PSMA1: variants seen among roughly 807,000 people sequenced by gnomAD.
The protein encoded by PSMA1 is proteasome subunit alpha type-1.
A neutral mutation model predicts 38.4 loss-of-function variants in PSMA1; 3 were observed. That is an observed-to-expected ratio of 0.08 (90% CI 0.04 to 0.20). The LOEUF is 0.20. Among genes scored for constraint, PSMA1 ranks in the 10% least tolerant of loss-of-function variants. PSMA1 has a pLI of 1.00. For missense variants in PSMA1, 227 were observed against 325.3 expected (o/e 0.70, Z 2.32); for synonymous variants, 101 against 107.1 (o/e 0.94, Z 0.35).
At position 14,603,199 on chromosome 11, in the gene PSMA1, A is replaced by G. The variant is rs1819763417; in HGVS notation, c.21+7767T>C. Among the ~76,000 whole-genome samples, 4 of 152,224 alleles carry G rather than the reference A, an allele frequency of 2.6e-5. No individual in the cohort carries two copies. In the South Asian group the frequency reaches 8.3e-4, roughly 31 times the overall value. ...CCCTGGAGGATCCAGAGGCAGCCTGATGGTGAGTAAGGAAGGAGAAGTAAT... is the reference window on the plus strand; with the variant it reads ...CCCTGGAGGATCCAGAGGCAGCCTGGTGGTGAGTAAGGAAGGAGAAGTAAT... On this transcript the variant is annotated intron_variant, in intron 2 of 10. Coordinates refer to the PSMA1 transcript ENST00000418988.
At chr11:14,527,214 G>A (rs1259801239) in intron 2 of PSMA1, among the ~76,000 whole-genome samples, 5 of 152,180 alleles carry the variant, frequency 3.3e-5, no homozygotes, top group African/African-American at 1.2e-4. Flanking sequence ...ATGCTGATAA[G>A]GTAGCTAAAG....
intron 1 of PSMA1, among the ~76,000 whole-genome samples, chr11:14,634,106 G>A (rs1327325082): frequency 2.0e-5 from 3 of 152,102 alleles, no homozygotes; most frequent in South Asian, 2.1e-4. Context: ...CTTCTGCGTC[G>A]CTCACACTGA....
chr11:14,562,492 C>T (rs1852020912), intron 2 of PSMA1, among the ~76,000 whole-genome samples: 1 of 152,182 alleles, frequency 6.6e-6, no homozygotes, highest in African/African-American at 2.4e-5. Flanking sequence ...CAGAACAGCT[C>T]CTTCAATTTC....
chr11:14,592,059 G>C (rs1852422499), intron 2 of PSMA1, among the ~76,000 whole-genome samples: 1 of 151,864 alleles, frequency 6.6e-6, no homozygotes, highest in Non-Finnish European at 1.5e-5. Flanking sequence ...TGCCTTAAGA[G>C]CTGTAACACT....
chr11:14,588,424 G>C (rs1852374351), intron 2 of PSMA1, among the ~76,000 whole-genome samples: 1 of 152,176 alleles, frequency 6.6e-6, no homozygotes, highest in Non-Finnish European at 1.5e-5. Context: ...GTATGGACTT[G>C]ATCCTACAAG....
intron 2 of PSMA1, among the ~76,000 whole-genome samples, chr11:14,558,249 CAAAAA>C (rs35509045): frequency 6.4e-5 from 5 of 78,054 alleles, no homozygotes; most frequent in Non-Finnish European, 9.6e-5. Flanking sequence ...CCCATCTGCA[CAAAAA>C]AAAAAAAAAA....
chr11:14,577,682 T>C lies in PSMA1; in HGVS notation c.21+33284A>G, dbSNP rs572087439. Among the ~76,000 whole-genome samples, 42 of 152,310 alleles carry C rather than the reference T, an allele frequency of 2.8e-4. No homozygotes were observed. The South Asian group carries it at 6.2e-3, about 23-fold the overall frequency. On this transcript the variant is annotated intron_variant, in intron 2 of 10. Coordinates refer to the PSMA1 transcript ENST00000418988. ...GCAAATGTAGGTATTATTACAACTG[T>C]TTTACAGATGAGGAAATTGAGGCAA...
Position 14,598,500 on chromosome 11 carries a change from A to T in PSMA1, c.21+12466T>A, listed in dbSNP as rs146866238. On this transcript the variant is annotated intron_variant, in intron 2 of 10. Transcript: ENST00000418988. The stretch of plus-strand genomic sequence containing the variant: ...GAATTAATCCCTTTACCATTATTTA[A>T]TGGCCTTCTTTGTCTCTTTTGATCT... 1.2e-4 allele frequency among the ~76,000 whole-genome samples: 18 copies of T among 151,666 alleles called. 1 individual carries two copies. The East Asian group carries it at 3.5e-3, about 29-fold the overall frequency.
intron 2 of PSMA1, among the ~76,000 whole-genome samples, chr11:14,528,100 T>C (rs1314164598): frequency 7.2e-6 from 1 of 138,902 alleles, no homozygotes; most frequent in African/African-American, 2.6e-5. Context: ...GACTTACTAC[T>C]AAAAAAAAAA....
At chr11:14,623,827 C>A (rs1254742621) in intron 1 of PSMA1, among the ~76,000 whole-genome samples, 1 of 152,214 alleles carries the variant, frequency 6.6e-6, no homozygotes, top group Non-Finnish European at 1.5e-5. Context: ...GAATGTCCAA[C>A]CTGTCAGCAA....
chr11:14,583,592 G>A (rs1306198341), intron 2 of PSMA1, among the ~76,000 whole-genome samples: 1 of 152,192 alleles, frequency 6.6e-6, no homozygotes, highest in African/African-American at 2.4e-5. Context: ...ACCTGCAGAT[G>A]ATTAACTTTG....
rs1444003724 is a variant in PSMA1, at chr11:14,534,186, A to T, written c.22-15145T>A. ...ACAAGAGCAAAACTCTGCCTCAAAA[A>T]TACATACATACATACATACATAAAT... On this transcript the variant is annotated intron_variant, in intron 2 of 10. Transcript: ENST00000418988. This position sits in a 1 kb window ranked among gnomAD's most constrained non-coding sequence, Gnocchi z 4.5. Among the ~76,000 whole-genome samples the T allele has an allele frequency of 1.3e-5, 2 of 151,736 alleles. No individual in the cohort carries two copies. The highest frequency in any genetic ancestry group is 1.3e-4 in the Admixed American group (2 of 15,262).
chr11:14,629,166 G>C (rs2133717195), intron 1 of PSMA1, among the ~76,000 whole-genome samples: 1 of 152,262 alleles, frequency 6.6e-6, no homozygotes, highest in South Asian at 2.1e-4. Context: ...AAGCTCTTGA[G>C]TTTAATTAGA....
At chr11:14,608,575 A>C (rs562655547) in intron 2 of PSMA1, among the ~76,000 whole-genome samples, 2 of 148,828 alleles carry the variant, frequency 1.3e-5, no homozygotes, top group Non-Finnish European at 3.0e-5. Context: ...AATAAAATTT[A>C]AAAAAGGCAA....
intron 1 of PSMA1, among the ~76,000 whole-genome samples, chr11:14,617,106 G>C (rs1852782698): frequency 6.6e-6 from 1 of 152,168 alleles, no homozygotes; most frequent in Non-Finnish European, 1.5e-5. Context: ...GGTGTGGAGG[G>C]AGAAAATAAG....
chr11:14,629,666 C>T (rs1427561183), intron 1 of PSMA1, among the ~76,000 whole-genome samples: 5 of 152,188 alleles, frequency 3.3e-5, no homozygotes, highest in African/African-American at 4.8e-5. Flanking sequence ...TTTTTGGTTC[C>T]GTATGAACTT....
chr11:14,632,391 G>T (rs1853032284), intron 1 of PSMA1, among the ~76,000 whole-genome samples: 1 of 146,118 alleles, frequency 6.8e-6, no homozygotes, highest in Non-Finnish European at 1.5e-5. Context: ...GCATTTGCTT[G>T]TCTGTAAAGT....
At chr11:14,580,092 T>C (rs576672048) in intron 2 of PSMA1, among the ~76,000 whole-genome samples, 1 of 152,232 alleles carries the variant, frequency 6.6e-6, no homozygotes, top group Admixed American at 6.5e-5. Context: ...CTGTTGCTCA[T>C]GTGATCTGTC....
chr11:14,532,929 T>C (rs2134160335), intron 2 of PSMA1, among the ~76,000 whole-genome samples: 1 of 152,176 alleles, frequency 6.6e-6, no homozygotes, highest in East Asian at 1.9e-4. Flanking sequence ...AAATAGCTGC[T>C]AAAAAAAGAC....
Sources: allele counts gnomAD v4.1 joint callset (sites outside exome capture counted in the v4.1 genomes callset), GRCh38; gene constraint gnomAD v4.1.1; non-coding constraint Gnocchi (gnomAD v3.1); transcripts MANE v1.5; gene names NCBI Gene and HGNC (gene_info 2026-07-23, HGNC 2026-07-21).